The following WNT9B variants were observed in gnomAD, a reference collection of about 807,000 sequenced individuals.
WNT9B encodes Wnt family member 9B.
Under a neutral mutation model 30.2 loss-of-function variants are expected in WNT9B, and 12 were observed. The ratio of observed to expected loss-of-function variants is 0.40; its 90% CI spans 0.26 to 0.64. The LOEUF (loss-of-function observed/expected upper bound fraction) is 0.64, where lower values mean the gene tolerates loss of function less well. Among genes scored for constraint, WNT9B ranks in the 30% least tolerant of loss-of-function variants. The pLI is 0.42. For missense variants in WNT9B, 442 were observed against 485.2 expected, an observed-to-expected ratio of 0.91 and a Z score of 0.84; for synonymous variants, 218 against 216.9, an observed-to-expected ratio of 1.01 and a Z score of -0.05.
chr17:46,846,157 C>A (rs1399645437), intron 1 of WNT9B, among the ~76,000 whole-genome samples: 1 of 152,196 alleles, frequency 6.6e-6, no homozygotes, highest in African/African-American at 2.4e-5. Flanking sequence ...CTAGACAGAA[C>A]TGGACTGCTC....
At chr17:46,835,850 T>G (rs2084622165) in intron 1 of WNT9B, among the ~76,000 whole-genome samples, 1 of 152,184 alleles carries the variant, frequency 6.6e-6, no homozygotes, top group South Asian at 2.1e-4. Context: ...CTGCCTAGCT[T>G]CTTAACCAGG....
chr17:46,870,039 T>C (rs1244967046), intron 1 of WNT9B, among the ~76,000 whole-genome samples: 1 of 152,108 alleles, frequency 6.6e-6, no homozygotes, highest in Non-Finnish European at 1.5e-5. Flanking sequence ...ATATGACATA[T>C]ACTGTAGCTA....
At position 46,877,048 on chromosome 17, in the gene WNT9B, G is replaced by A; in HGVS notation, c.*330G>A. On this transcript the variant is annotated 3_prime_UTR_variant, in exon 4 of 4. Transcript: ENST00000290015. ...GACTGAAATTTTGGACGGGAGAGAG[G>A]GGCTATTCCATCTTGCTTCCTGGGA... 9.6e-6 allele frequency: 11 copies of A among 1,146,190 alleles called. No individual in the cohort carries two copies. Among genetic ancestry groups the A allele is most frequent in the Non-Finnish European group, 1.2e-5 (11 of 932,432 alleles). The allele number at this position is 1,146,190 out of a possible 1,614,324, so 71.0% of individuals were successfully genotyped here.
chr17:46,835,412 C>T lies in WNT9B; in HGVS notation c.95+1972C>T, dbSNP rs567416414. On this transcript the variant is annotated intron_variant, in intron 1 of 2. Coordinates refer to the WNT9B transcript ENST00000575372. The stretch of plus-strand genomic sequence containing the variant: ...ATTTTTATTAGAGACAGGGTTTCAC[C>T]GTGTTAGCCAGGATGGTATCGATCT... Among the ~76,000 whole-genome samples, 247 of 152,200 alleles carry T rather than the reference C, an allele frequency of 1.6e-3. 2 individuals carry two copies. The highest frequency in any genetic ancestry group is 5.4e-3 in the African/African-American group (226 of 41,514).
chr17:46,885,257 C>G (rs565092245), downstream of WNT9B: 2 of 295,256 alleles, frequency 6.8e-6, no homozygotes, highest in Non-Finnish European at 1.3e-5. Context: ...CCACCCGCCT[C>G]GGCCTCCCAA....
At chr17:46,843,387 A>G (rs1475361312) in intron 1 of WNT9B, among the ~76,000 whole-genome samples, 1 of 152,132 alleles carries the variant, frequency 6.6e-6, no homozygotes, top group Non-Finnish European at 1.5e-5. Context: ...CGTTTGTGTG[A>G]CTAATTAGGA....
chr17:46,885,699 A>T (rs1374811577), exon 5 of WNT9B: 1 of 152,172 alleles, frequency 6.6e-6, no homozygotes, highest in Non-Finnish European at 1.5e-5. Context: ...GAATTTATAA[A>T]TCTTGTTCTC....
At chr17:46,862,627 G>A (rs1351161832) in intron 1 of WNT9B, among the ~76,000 whole-genome samples, 1 of 152,148 alleles carries the variant, frequency 6.6e-6, no homozygotes. Context: ...CTGTCGCCCA[G>A]GCTGGAGTGC....
rs546086635 is a variant in WNT9B at position 46,864,644 on chromosome 17, C to T, written c.78-7873C>T. Among the ~76,000 whole-genome samples, 3 of 152,284 alleles carry T rather than the reference C, an allele frequency of 2.0e-5. No homozygotes were observed. In the South Asian group the frequency reaches 6.2e-4, roughly 32 times the overall value. ...TCAAAACCTAGCTGTCTTGCATTTC[C>T]ACCACCTTAGATGCTTGCTGTGGTG... On this transcript the variant is annotated intron_variant, in intron 1 of 3. Transcript: ENST00000290015.
chr17:46,860,898 A>G (rs1205536160), intron 1 of WNT9B, among the ~76,000 whole-genome samples: 1 of 152,114 alleles, frequency 6.6e-6, no homozygotes, highest in Non-Finnish European at 1.5e-5. Flanking sequence ...CTGCTCTGTC[A>G]CCCAGACTAG....
At position 46,877,064 on chromosome 17, in the gene WNT9B, C is replaced by T. The variant is rs2085358184; in HGVS notation, c.*346C>T. On this transcript the variant is annotated 3_prime_UTR_variant, in exon 4 of 4. Coordinates refer to ENST00000290015, the MANE Select transcript of WNT9B (RefSeq NM_003396.3). ...GGGAGAGAGGGGCTATTCCATCTTGCTTCCTGGGATGAATGGCTTGGAGCC... is the reference window on the plus strand; with the variant it reads ...GGGAGAGAGGGGCTATTCCATCTTGTTTCCTGGGATGAATGGCTTGGAGCC... 1 of 1,102,990 alleles carries T rather than the reference C, an allele frequency of 9.1e-7. No individual in the cohort carries two copies. The allele number at this position is 1,102,990 out of a possible 1,614,324, so 68.3% of individuals were successfully genotyped here. A position where few individuals can be genotyped will look rare whatever the true frequency, so the allele number is the denominator to read the frequency against.
chr17:46,842,258 G>A (rs891352461), intron 1 of WNT9B, among the ~76,000 whole-genome samples: 1 of 152,218 alleles, frequency 6.6e-6, no homozygotes, highest in Non-Finnish European at 1.5e-5. Context: ...TATTGGTCAG[G>A]AGAGCCTTCC....
chr17:46,883,504 T>C (rs549572233), downstream of WNT9B, among the ~76,000 whole-genome samples: 19 of 151,846 alleles, frequency 1.3e-4, no homozygotes, highest in South Asian at 1.7e-3. Flanking sequence ...AGGCTGGTCT[T>C]GAACTCCTGA....
chr17:46,850,915 A>G (rs2084833276), upstream of WNT9B, among the ~76,000 whole-genome samples: 2 of 152,022 alleles, frequency 1.3e-5, no homozygotes, highest in Non-Finnish European at 2.9e-5. Flanking sequence ...ATTTTGTCAA[A>G]AGCCCACGGA....
intron 1 of WNT9B, 28 bp from the exon 2 acceptor site, chr17:46,872,489 C>G: frequency 1.4e-6 from 2 of 1,463,958 alleles, no homozygotes; most frequent in Non-Finnish European, 1.8e-6. Context: ...CCAAGGCTCA[C>G]CTGTCTCCCT....
chr17:46,865,340 C>T (rs1274996126), intron 1 of WNT9B, among the ~76,000 whole-genome samples: 5 of 152,180 alleles, frequency 3.3e-5, no homozygotes, highest in Non-Finnish European at 7.3e-5. Flanking sequence ...GGCTGTGAGA[C>T]AGGAAGTGGG....
rs367573971 is a variant in WNT9B at position 46,872,506 on chromosome 17, G to T, written c.78-11G>T. On this transcript the variant is annotated splice_polypyrimidine_tract_variant and intron_variant, in intron 1 of 3. Coordinates refer to ENST00000290015, the MANE Select transcript of WNT9B (RefSeq NM_003396.3). Reference sequence around the variant, plus strand: ...AAGGCTCACCTGTCTCCCTCCTCTCGCTCTCTCTAGCCTGACCGGGCGGGA... The same window carrying T: ...AAGGCTCACCTGTCTCCCTCCTCTCTCTCTCTCTAGCCTGACCGGGCGGGA... 2.6e-5 allele frequency: 38 copies of T among 1,465,190 alleles called. No individual in the cohort carries two copies. Among genetic ancestry groups the T allele is most frequent in the Middle Eastern group, 2.1e-4 (1 of 4,784 alleles). 90.8% of individuals were successfully genotyped at this position (1,465,190 alleles called of 1,614,324 possible). A position where few individuals can be genotyped will look rare whatever the true frequency, so the allele number is the denominator to read the frequency against.
chr17:46,858,160 C>G lies in WNT9B; in HGVS notation c.77+6445C>G, dbSNP rs147149422. On this transcript the variant is annotated intron_variant, in intron 1 of 3. Transcript: ENST00000290015. ...GGCCTGGCTGGTCTTGAACTCCTGA[C>G]CTCATGTGATCCACCCACCTCGGCC... Among the ~76,000 whole-genome samples the G allele has an allele frequency of 2.6e-5, 4 of 152,266 alleles. No homozygotes were observed. In the East Asian group the frequency reaches 7.7e-4, roughly 29 times the overall value.
Position 46,875,096 on chromosome 17 carries a change from T to A in WNT9B, c.335-5T>A. The A allele has an allele frequency of 6.2e-7, 1 of 1,613,516 alleles. No homozygotes were observed. Among genetic ancestry groups the A allele is most frequent in the South Asian group, 1.1e-5 (1 of 91,078 alleles). On this transcript the variant is annotated splice_region_variant and splice_polypyrimidine_tract_variant and intron_variant, in intron 2 of 3. Transcript: ENST00000290015. ...CCTCCCTATGCCCCTGGGTGCCCGA[T>A]CCAGGCTTCAAAGAGACAGCTTTCC...
Sources: allele counts gnomAD v4.1 joint callset (sites outside exome capture counted in the v4.1 genomes callset), GRCh38; gene constraint gnomAD v4.1.1; transcripts MANE v1.5; gene names NCBI Gene and HGNC (gene_info 2026-07-23, HGNC 2026-07-21).